Variants in POU2F1 observed in about 807,000 individuals in gnomAD.
POU2F1 encodes the protein POU class 2 homeobox 1.
In POU2F1, 16 loss-of-function variants were observed where a neutral mutation model predicts 84.9. The observed-to-expected ratio is 0.19, with a 90% CI of 0.13 to 0.29. The LOEUF is 0.29. Ranked by LOEUF, POU2F1 falls within the 10% of genes least tolerant of loss-of-function variation. The probability of loss-of-function intolerance (pLI) is 1.00; values close to 1 mark genes in which losing one functional copy is unlikely to be tolerated. For missense variants in POU2F1, 738 were observed against 942.6 expected, an observed-to-expected ratio of 0.78 and a Z score of 2.84; for synonymous variants, 368 against 368.3, an observed-to-expected ratio of 1.00 and a Z score of 0.01.
chr1:167,373,029 A>G (rs376408109), intron 5 of POU2F1, among the ~76,000 whole-genome samples: 18 of 152,134 alleles, frequency 1.2e-4, no homozygotes, highest in African/African-American at 3.6e-4. Context: ...AAATCCCATG[A>G]GTAGAGATGT....
At chr1:167,359,127 A>T (rs1354548335) in intron 2 of POU2F1, among the ~76,000 whole-genome samples, 1 of 151,644 alleles carries the variant, frequency 6.6e-6, no homozygotes, top group East Asian at 1.9e-4. Context: ...ATTTAATAGT[A>T]TTAAACCACT....
At chr1:167,238,851 T>G (rs754207449) in intron 1 of POU2F1, among the ~76,000 whole-genome samples, 12 of 152,148 alleles carry the variant, frequency 7.9e-5, no homozygotes, top group Non-Finnish European at 1.5e-4. Context: ...TCATTGAAGG[T>G]AGAGTGATAA....
chr1:167,399,823 A>G (rs1649067203), intron 12 of POU2F1, among the ~76,000 whole-genome samples: 1 of 147,794 alleles, frequency 6.8e-6, no homozygotes, highest in Non-Finnish European at 1.5e-5. Flanking sequence ...ATAGACGTGT[A>G]CCACCATTCC....
intron 1 of POU2F1, chr1:167,241,604 A>AT (rs1023508923): frequency 1.3e-5 from 2 of 152,232 alleles, no homozygotes; most frequent in African/African-American, 4.8e-5. Context: ...GCAATATAAA[A>AT]TAACAGGTTT....
At chr1:167,410,198 C>G (rs866572387) in intron 13 of POU2F1, among the ~76,000 whole-genome samples, 1 of 152,078 alleles carries the variant, frequency 6.6e-6, no homozygotes, top group African/African-American at 2.4e-5. Flanking sequence ...GAAAGCCTTC[C>G]TTTTTATTTA....
chr1:167,307,930 A>G (rs1166120626), intron 1 of POU2F1, among the ~76,000 whole-genome samples: 1 of 152,214 alleles, frequency 6.6e-6, no homozygotes, highest in East Asian at 1.9e-4. Flanking sequence ...CATTTTGTGG[A>G]ATGTTTTTGA....
At chr1:167,367,612 T>C (rs1289748130) in intron 3 of POU2F1, among the ~76,000 whole-genome samples, 1 of 152,184 alleles carries the variant, frequency 6.6e-6, no homozygotes, top group Admixed American at 6.6e-5. Flanking sequence ...AAAAAAACTT[T>C]CAAATTTGTA....
chr1:167,321,894 G>A (rs1656337726), intron 1 of POU2F1, among the ~76,000 whole-genome samples: 1 of 152,166 alleles, frequency 6.6e-6, no homozygotes, highest in African/African-American at 2.4e-5. Flanking sequence ...CCCCATTGCT[G>A]TAATAAATCT....
intron 2 of POU2F1, among the ~76,000 whole-genome samples, chr1:167,360,893 T>C (rs75154921): frequency 0.025 from 3,762 of 152,240 alleles, 147 homozygotes; most frequent in African/African-American, 0.083. Context: ...ATAGTACTCA[T>C]AGATATCTTT....
chr1:167,258,767 CGAATA>C (rs1441782762), intron 1 of POU2F1, among the ~76,000 whole-genome samples: 1 of 152,012 alleles, frequency 6.6e-6, no homozygotes, highest in East Asian at 1.9e-4. Context: ...AAAATATAAA[CGAATA>C]GAATAGTAAT....
At chr1:167,379,372 T>C (rs1189450342) in intron 7 of POU2F1, 1 of 152,130 alleles carries the variant, frequency 6.6e-6, no homozygotes, top group Non-Finnish European at 1.5e-5. Context: ...GAAACTTGGG[T>C]AGGGAAAATT....
rs1334639434 is a variant in POU2F1, at chr1:167,418,183, T to C, written c.*2373T>C. The C allele has an allele frequency of 6.6e-6, 1 of 152,356 alleles. No individual in the cohort carries two copies. Among genetic ancestry groups the C allele is most frequent in the East Asian group, 1.9e-4 (1 of 5,184 alleles). The allele number at this position is 152,356 out of a possible 1,614,324, so 9.4% of individuals were successfully genotyped here. On this transcript the variant is annotated 3_prime_UTR_variant, in exon 16 of 16. Transcript: ENST00000367866. ...GGAGATAGATGCTACTGACAATTTC[T>C]TTTTCATTTGTCTTTATTAATTTTA...
At chr1:167,313,196 G>A (rs141642784) in intron 1 of POU2F1, among the ~76,000 whole-genome samples, 1,968 of 151,916 alleles carry the variant, frequency 0.013, 41 homozygotes, top group African/African-American at 0.043. Context: ...CAGAGTAAGG[G>A]AGAGATATAT....
At chr1:167,241,097 G>A (rs1045157828) in intron 1 of POU2F1, among the ~76,000 whole-genome samples, 5 of 152,084 alleles carry the variant, frequency 3.3e-5, no homozygotes, top group Non-Finnish European at 5.9e-5. Flanking sequence ...AGCCAAGATC[G>A]CACCATTGCA....
intron 1 of POU2F1, among the ~76,000 whole-genome samples, chr1:167,236,036 CTT>C (rs111427791): frequency 3.3e-5 from 5 of 152,020 alleles, no homozygotes; most frequent in African/African-American, 1.2e-4. Flanking sequence ...AACTATTAGT[CTT>C]TTAAATTTTT....
At position 167,221,313 on chromosome 1, in the gene POU2F1, C is replaced by CGCGGCGGG. The variant is rs903548008; in HGVS notation, c.61+366_61+373dup. On this transcript the variant is annotated intron_variant, in intron 1 of 15. Transcript: ENST00000367866. ...CGCCGTGCCCGAACCCGAGCGGGTCCGCGGCGGGGCGGCGGGGCCGGGGCA... is the reference window on the plus strand; with the variant it reads ...CGCCGTGCCCGAACCCGAGCGGGTCCGCGGCGGGGCGGCGGGGCGGCGGGGCCGGGGCA... Among the ~76,000 whole-genome samples, 84 of 150,924 alleles carry CGCGGCGGG rather than the reference C, an allele frequency of 5.6e-4. No individual in the cohort carries two copies. In the South Asian group the frequency reaches 0.012, roughly 22 times the overall value.
At chr1:167,351,088 C>T (rs1658528543) in intron 2 of POU2F1, among the ~76,000 whole-genome samples, 1 of 152,122 alleles carries the variant, frequency 6.6e-6, no homozygotes, top group East Asian at 1.9e-4. Context: ...CATGGTGGCT[C>T]ACACCTGTAA....
At chr1:167,392,487 C>G (rs1215599520) in intron 9 of POU2F1, among the ~76,000 whole-genome samples, 1 of 152,134 alleles carries the variant, frequency 6.6e-6, no homozygotes, top group African/African-American at 2.4e-5. Context: ...GCACAGCATA[C>G]TCTGGGGTTC....
chr1:167,318,733 A>G (rs935313752), intron 1 of POU2F1, among the ~76,000 whole-genome samples: 3 of 152,174 alleles, frequency 2.0e-5, no homozygotes, highest in East Asian at 3.8e-4. Flanking sequence ...CAAATCCTAA[A>G]CAAATATTCA....
Sources: allele counts gnomAD v4.1 joint callset (sites outside exome capture counted in the v4.1 genomes callset), GRCh38; gene constraint gnomAD v4.1.1; transcripts MANE v1.5; gene names NCBI Gene and HGNC (gene_info 2026-07-23, HGNC 2026-07-21).